SYNE1: variants seen among roughly 807,000 people sequenced by gnomAD.
SYNE1 encodes spectrin repeat containing nuclear envelope protein 1.
In SYNE1, 616 loss-of-function variants were observed where a neutral mutation model predicts 1,111.0. The ratio of observed to expected loss-of-function variants is 0.55; its 90% CI spans 0.52 to 0.59. The LOEUF is 0.59. Ranked by LOEUF, SYNE1 falls within the 20% of genes least tolerant of loss-of-function variation. The pLI is 0.00. For missense variants in SYNE1, 10,006 were observed against 10,417.0 expected (o/e 0.96, Z 1.72); for synonymous variants, 3,855 against 3,825.8 (o/e 1.01, Z -0.28).
intron 110 of SYNE1, among the ~76,000 whole-genome samples, chr6:152,235,009 G>A (rs549905077): frequency 2.6e-5 from 4 of 152,212 alleles, no homozygotes; most frequent in African/African-American, 7.2e-5. Flanking sequence ...TCTTTAAGCT[G>A]GGTATAAAAA....
intron 3 of SYNE1, among the ~76,000 whole-genome samples, chr6:152,578,038 C>T (rs1296330889): frequency 2.0e-5 from 3 of 152,084 alleles, no homozygotes; most frequent in Non-Finnish European, 2.9e-5. Context: ...GTCATTATTT[C>T]TACTAAATAT....
rs148204741 is a variant in SYNE1 at position 152,334,237 on chromosome 6, C to G, written c.12565G>C (p.Val4189Leu). Residue 4189 changes from valine to leucine, a missense_variant, in exon 77 of 146, where the codon GTG (valine) becomes CTG (leucine). Physicochemically the swap from Val to Leu is conservative, Grantham distance 32. Coordinates refer to ENST00000367255, the MANE Select transcript of SYNE1 (RefSeq NM_182961.4). ...VKKLQSKQAS[V>L]NTIIEKVNKL... Reference sequence around the variant, plus strand: ...TTCACCTTTTCTATTATGGTGTTCACGGATGCCTGTTTGCTCTGTAGTTTC... The same window carrying G: ...TTCACCTTTTCTATTATGGTGTTCAGGGATGCCTGTTTGCTCTGTAGTTTC... 6 of 1,613,942 alleles carry G rather than the reference C, an allele frequency of 3.7e-6. No individual in the cohort carries two copies. The highest frequency in any genetic ancestry group is 3.3e-5 in the Admixed American group (2 of 60,010).
intron 62 of SYNE1, among the ~76,000 whole-genome samples, chr6:152,365,871 C>T (rs974922396): frequency 1.3e-5 from 2 of 152,300 alleles, no homozygotes; most frequent in East Asian, 3.9e-4. Flanking sequence ...CAGCTTCAGC[C>T]ACCCATTGCC....
rs754719000 is a variant in SYNE1 at position 152,395,534 on chromosome 6, C to T, written c.7694G>A (p.Gly2565Glu). The T allele has an allele frequency of 1.9e-6, 3 of 1,613,946 alleles. No homozygotes were observed. The South Asian group carries it at 3.3e-5, about 18-fold the overall frequency. Residue 2565 changes from glycine to glutamate, a missense_variant, in exon 51 of 146, where the codon GGA becomes GAA. By Grantham distance (98) the Gly-to-Glu change is moderately conservative. Transcript: ENST00000367255. ...NEVHKVEMFL[G>E]ELLAARESLD... ...ACCATACCTTGCAGCCAGCAGTTCT[C>T]CCAAAAACATTTCAACTTTATGAAC...
At chr6:152,556,720 C>G (rs890150127) in intron 3 of SYNE1, among the ~76,000 whole-genome samples, 1 of 152,184 alleles carries the variant, frequency 6.6e-6, no homozygotes, top group African/African-American at 2.4e-5. Context: ...AACATCAGGC[C>G]AGTCCTCCCA....
At chr6:152,501,233 A>G (rs1594112405) in intron 10 of SYNE1, among the ~76,000 whole-genome samples, 1 of 152,292 alleles carries the variant, frequency 6.6e-6, no homozygotes, top group East Asian at 1.9e-4. Context: ...AATAGAATAC[A>G]ATACTACTTC....
At chr6:152,293,511 A>T (rs961802408) in intron 95 of SYNE1, 77 bp downstream of exon 95, 14 of 1,551,638 alleles carry the variant, frequency 9.0e-6, no homozygotes, top group Non-Finnish European at 1.2e-5. Flanking sequence ...TGTCTCAAAC[A>T]CATGCCTGAC....
chr6:152,495,708 A>T (rs552076289), intron 11 of SYNE1, among the ~76,000 whole-genome samples: 5 of 151,892 alleles, frequency 3.3e-5, no homozygotes, highest in African/African-American at 1.2e-4. Flanking sequence ...TCACCCTGTC[A>T]CTCTCTTTAA....
intron 88 of SYNE1, 41 bp from the exon 89 acceptor site, chr6:152,310,559 G>A: frequency 6.2e-7 from 1 of 1,613,358 alleles, no homozygotes; most frequent in Non-Finnish European, 8.5e-7. Context: ...GAAGTTCAAA[G>A]CCATAGGGGA....
intron 14 of SYNE1, among the ~76,000 whole-genome samples, chr6:152,475,359 C>A (rs1013584094): frequency 6.6e-6 from 1 of 152,090 alleles, no homozygotes; most frequent in Non-Finnish European, 1.5e-5. Context: ...TTAGCTTCAC[C>A]GACATTAAAT....
chr6:152,139,675 A>C (rs1419166999), intron 140 of SYNE1, among the ~76,000 whole-genome samples: 2 of 141,584 alleles, frequency 1.4e-5, no homozygotes, highest in Non-Finnish European at 3.1e-5. Flanking sequence ...GGAAGGAATG[A>C]GAGAGAAAGA....
At position 152,136,746 on chromosome 6, in the gene SYNE1, G is replaced by T. The variant is rs757414823; in HGVS notation, c.25531C>A (p.Gln8511Lys). Residue 8511 changes from glutamine to lysine, a missense_variant, in exon 141 of 146, where the codon CAG becomes AAG. Physicochemically the swap from Gln to Lys is moderately conservative, Grantham distance 53. Transcript: ENST00000367255. ...SINLCSPEFTQADSKESRDLQ... is the reference protein window; with the variant it reads ...SINLCSPEFTKADSKESRDLQ... ...TCCCGGCTCTCCTTGCTGTCAGCCT[G>T]GGTGAACTCAGGGCTGCAGAGATTG... 1.2e-6 allele frequency: 2 copies of T among 1,614,228 alleles called. No homozygotes were observed. The highest frequency in any genetic ancestry group is 1.7e-6 in the Non-Finnish European group (2 of 1,180,048).
At chr6:152,456,783 T>TCAATGAGGATAC (rs773544308) in intron 22 of SYNE1, 14 of 444,430 alleles carry the variant, frequency 3.2e-5, no homozygotes, top group South Asian at 2.2e-4. Context: ...ATTACACCAT[T>TCAATGAGGATAC]TGCATTTCAG....
rs1352615188 is a variant in SYNE1, at chr6:152,387,147, T to C, written c.8412A>G (p.Thr2804=). Residue 2804 remains threonine (T), a synonymous_variant, in exon 54 of 146, where the codon ACA becomes ACG. Coordinates refer to ENST00000367255, the MANE Select transcript of SYNE1 (RefSeq NM_182961.4). ...CTGTGTCCTTGAAAGACTCATCCTC[T>C]GTCTTTTCGTAGAGCTCCCTGGACT... ...IAKSRELYEK[T]EDESFKDTAQ... is the part of the protein sequence containing the mutation. The C allele has an allele frequency of 6.2e-7, 1 of 1,614,212 alleles. No individual in the cohort carries two copies.
intron 33 of SYNE1, 199 bp downstream of exon 33, chr6:152,435,742 A>G (rs1433955548): frequency 3.1e-6 from 2 of 637,384 alleles, no homozygotes; most frequent in Non-Finnish European, 5.4e-6. Context: ...CACATCCTTT[A>G]TATTTTTTGG....
At chr6:152,486,612 C>A (rs561291696) in intron 12 of SYNE1, among the ~76,000 whole-genome samples, 11 of 152,322 alleles carry the variant, frequency 7.2e-5, no homozygotes, top group Non-Finnish European at 1.5e-4. Context: ...TCTTGCAATT[C>A]TTTTCTCCAT....
At chr6:152,589,258 G>A (rs750249066) in intron 3 of SYNE1, among the ~76,000 whole-genome samples, 9 of 152,012 alleles carry the variant, frequency 5.9e-5, no homozygotes, top group Non-Finnish European at 1.3e-4. Context: ...GTATTTGTTA[G>A]CCATTTCATG....
At chr6:152,387,672 C>T (rs1386884936) in intron 53 of SYNE1, among the ~76,000 whole-genome samples, 1 of 152,152 alleles carries the variant, frequency 6.6e-6, no homozygotes, top group Non-Finnish European at 1.5e-5. Flanking sequence ...GAGCAATATA[C>T]ATTTATATGT....
At chr6:152,247,213 A>G (rs1488596202) in intron 105 of SYNE1, among the ~76,000 whole-genome samples, 1 of 152,190 alleles carries the variant, frequency 6.6e-6, no homozygotes, top group African/African-American at 2.4e-5. Context: ...AGATGACTAT[A>G]TTGAGTGAGG....
Sources: gnomAD v4.1 joint callset for allele counts (sites outside exome capture counted in the v4.1 genomes callset) on GRCh38, gnomAD v4.1.1 for gene constraint, MANE v1.5 for transcripts, NCBI Gene and HGNC (gene_info 2026-07-23, HGNC 2026-07-21) for gene names.